MPRIP: variants seen among roughly 807,000 people sequenced by gnomAD.
MPRIP encodes the protein myosin phosphatase Rho-interacting protein.
In MPRIP, 59 loss-of-function variants were observed where a neutral mutation model predicts 234.9. The observed-to-expected ratio is 0.25, with a 90% CI of 0.20 to 0.31. The LOEUF (loss-of-function observed/expected upper bound fraction) is 0.31, where lower values mean the gene tolerates loss of function less well. MPRIP is among the 10% of genes least tolerant of loss of function. The probability of loss-of-function intolerance (pLI) is 1.00; values close to 1 mark genes in which losing one functional copy is unlikely to be tolerated. For missense variants in MPRIP, 2,436 were observed against 3,071.0 expected (o/e 0.79, Z 4.89); for synonymous variants, 1,144 against 1,263.9 (o/e 0.91, Z 2.01).
chr17:17,131,759 G>A (rs2090601631), intron 5 of MPRIP, 58 bp downstream of exon 5: 1 of 1,503,914 alleles, frequency 6.6e-7, no homozygotes, highest in Non-Finnish European at 9.2e-7. Context: ...TTGGGAAGAA[G>A]TGAGGGCTCC....
chr17:17,168,736 C>T (rs963765253), intron 16 of MPRIP: 5 of 405,676 alleles, frequency 1.2e-5, no homozygotes, highest in African/African-American at 8.2e-5. Flanking sequence ...CCCTTATGTT[C>T]CTTCCACTCA....
chr17:17,158,627 G>A lies in MPRIP; in HGVS notation c.2025G>A (p.Gln675=). 6.2e-6 allele frequency: 10 copies of A among 1,602,062 alleles called. No homozygotes were observed. The highest frequency in any genetic ancestry group is 8.5e-6 in the Non-Finnish European group (10 of 1,174,836). The change falls in exon 14 of 24, where the codon CAG becomes CAA. Residue 675 remains glutamine (Q), a synonymous_variant. Coordinates refer to ENST00000651222, the MANE Select transcript of MPRIP (RefSeq NM_001364716.4). ...GTCCCATCCAGCAGGCCCTGGCTCA[G>A]GAGCGGGTGGGCGGCGTGGGGCCTG... ...EFRPIQQALA[Q]ERVGGVGPAD... is the part of the protein sequence containing the mutation.
intron 16 of MPRIP, among the ~76,000 whole-genome samples, chr17:17,170,682 T>C (rs1188739666): frequency 1.3e-5 from 2 of 152,338 alleles, no homozygotes; most frequent in Admixed American, 6.5e-5. Flanking sequence ...TGGAATGGAA[T>C]GTGGCCACGT....
intron 1 of MPRIP, among the ~76,000 whole-genome samples, chr17:17,053,269 C>T (rs1161824495): frequency 6.6e-6 from 1 of 152,084 alleles, no homozygotes; most frequent in Non-Finnish European, 1.5e-5. Context: ...ATTTTCCATG[C>T]TAATGGAGCA....
In MPRIP at chr17:17,077,840, A is replaced by G. The variant is rs1054137439; in HGVS notation, c.202-171A>G. On this transcript the variant is annotated intron_variant, in intron 2 of 23. Coordinates refer to ENST00000651222, the MANE Select transcript of MPRIP (RefSeq NM_001364716.4). ...CTCCCAGCCCAGTCCTGGCTGATGA[A>G]TCAACATTCTTGTGCCTCGGGTCCC... 2.4e-5 allele frequency: 16 copies of G among 659,292 alleles called. No individual in the cohort carries two copies. In the East Asian group the frequency reaches 4.3e-4, roughly 18 times the overall value. The allele number at this position is 659,292 out of a possible 1,614,324, so 40.8% of individuals were successfully genotyped here. A position where few individuals can be genotyped will look rare whatever the true frequency, so the allele number is the denominator to read the frequency against.
intron 1 of MPRIP, among the ~76,000 whole-genome samples, chr17:17,071,743 G>A (rs2089200053): frequency 6.6e-6 from 1 of 152,108 alleles, no homozygotes; most frequent in South Asian, 2.1e-4. Flanking sequence ...TCTCTCATGT[G>A]GTCACTTTTA....
intron 1 of MPRIP, among the ~76,000 whole-genome samples, chr17:17,070,016 T>C (rs2089155227): frequency 1.3e-5 from 2 of 152,244 alleles, no homozygotes. Context: ...ATATTTTTAC[T>C]GGTTATAGGA....
intron 11 of MPRIP, among the ~76,000 whole-genome samples, chr17:17,148,185 G>C (rs191998243): frequency 6.6e-6 from 1 of 152,224 alleles, no homozygotes; most frequent in Admixed American, 6.5e-5. Context: ...GGGTAGGAGA[G>C]TGTGGGCGGT....
chr17:17,131,713 G>A lies in MPRIP; in HGVS notation c.504+12G>A, dbSNP rs368981161. 1.4e-5 allele frequency: 22 copies of A among 1,613,470 alleles called. No individual in the cohort carries two copies. In the East Asian group the frequency reaches 3.1e-4, roughly 23 times the overall value. ...CCCCCACACCACAGGTAGGCAGTGG[G>A]TTTGCCAGATGGCATCCCCTCAGTG... On this transcript the variant is annotated intron_variant, in intron 5 of 23. Transcript: ENST00000651222.
At chr17:17,101,975 G>A (rs1432763312) in intron 3 of MPRIP, among the ~76,000 whole-genome samples, 1 of 152,200 alleles carries the variant, frequency 6.6e-6, no homozygotes, top group African/African-American at 2.4e-5. Context: ...GGGGGCTGAG[G>A]AAGAGGAAAC....
At chr17:17,069,591 T>A (rs914373687) in intron 1 of MPRIP, among the ~76,000 whole-genome samples, 10 of 152,110 alleles carry the variant, frequency 6.6e-5, no homozygotes, top group African/African-American at 2.4e-4. Context: ...TTTGTATATA[T>A]TTTTTACTGG....
At chr17:17,151,726 A>G (rs183145886) in intron 12 of MPRIP, among the ~76,000 whole-genome samples, 1 of 152,216 alleles carries the variant, frequency 6.6e-6, no homozygotes, top group African/African-American at 2.4e-5. Context: ...TCATTCAGGA[A>G]ATTCCAAGGT....
intron 1 of MPRIP, among the ~76,000 whole-genome samples, chr17:17,060,129 C>G (rs549920105): frequency 4.6e-5 from 7 of 152,286 alleles, no homozygotes; most frequent in Admixed American, 3.9e-4. Flanking sequence ...GATGGCCAGG[C>G]TGGGTGTGTG....
At chr17:17,126,649 A>G (rs2144390021) in intron 3 of MPRIP, 53 bp from the exon 4 acceptor site, 35 of 1,567,020 alleles carry the variant, frequency 2.2e-5, no homozygotes, top group Non-Finnish European at 3.0e-5. Flanking sequence ...GCTGTACGAC[A>G]TCTGTGGCCC....
chr17:17,113,120 C>T (rs561104934), intron 3 of MPRIP, among the ~76,000 whole-genome samples: 18 of 152,250 alleles, frequency 1.2e-4, no homozygotes, highest in Non-Finnish European at 1.8e-4. Flanking sequence ...CCCTTGCAGA[C>T]GGCTCCTGGC....
chr17:17,098,485 G>A (rs1184779916), intron 3 of MPRIP, among the ~76,000 whole-genome samples: 6 of 152,296 alleles, frequency 3.9e-5, no homozygotes, highest in East Asian at 1.9e-4. Flanking sequence ...GGATTAGAAC[G>A]GAATAAATAC....
In MPRIP at chr17:17,147,343, G is replaced by T. The variant is rs749216504; in HGVS notation, c.1585G>T (p.Ala529Ser). Residue 529 changes from alanine (A) to serine (S), a missense_variant, in exon 11 of 24, where the codon GCC becomes TCC. Ala to Ser is a moderately conservative substitution (Grantham distance 99). Coordinates refer to ENST00000651222, the MANE Select transcript of MPRIP (RefSeq NM_001364716.4). ...GTGGAAGAAACACTGGTTTGTCCTC[G>T]CCGATCAAAGCCTGAGATACTACAG... is the stretch of plus-strand genomic sequence containing the variant. ...GQWKKHWFVL[A>S]DQSLRYYRDS... is the part of the protein sequence containing the mutation. 4 of 1,613,906 alleles carry T rather than the reference G, an allele frequency of 2.5e-6. No homozygotes were observed. In the African/African-American group the frequency reaches 4.0e-5, roughly 16 times the overall value.
At chr17:17,168,965 A>G in intron 16 of MPRIP, 2 of 456,962 alleles carry the variant, frequency 4.4e-6, no homozygotes, top group Non-Finnish European at 8.8e-6. Context: ...TTACTCCTGT[A>G]GCTCTGAATG....
chr17:17,084,696 G>C (rs958471504), intron 3 of MPRIP, among the ~76,000 whole-genome samples: 3 of 152,232 alleles, frequency 2.0e-5, no homozygotes, highest in African/African-American at 4.8e-5. Context: ...AGGCCAGGCA[G>C]GGCTCTCAGT....
Sources: gnomAD v4.1 joint callset for allele counts (sites outside exome capture counted in the v4.1 genomes callset) on GRCh38, gnomAD v4.1.1 for gene constraint, MANE v1.5 for transcripts, NCBI Gene and HGNC (gene_info 2026-07-23, HGNC 2026-07-21) for gene names.